The following TMEM63C variants were observed in gnomAD, a reference collection of about 807,000 sequenced individuals.
TMEM63C encodes the protein transmembrane protein 63C.
Under a neutral mutation model 99.2 loss-of-function variants are expected in TMEM63C, and 32 were observed. The observed-to-expected ratio is 0.32, with a 90% CI of 0.24 to 0.43. The LOEUF is 0.43. Among genes scored for constraint, TMEM63C ranks in the 20% least tolerant of loss-of-function variants. TMEM63C has a pLI of 1.00. For missense variants in TMEM63C, 826 were observed against 1,053.0 expected (o/e 0.78, Z 2.98); for synonymous variants, 376 against 397.9 (o/e 0.94, Z 0.66).
intron 1 of TMEM63C, among the ~76,000 whole-genome samples, chr14:77,200,580 A>C (rs1439868631): frequency 1.3e-5 from 2 of 152,300 alleles, no homozygotes; most frequent in Non-Finnish European, 2.9e-5. Flanking sequence ...CTCTGGCCCT[A>C]TTTAGACAGA....
At position 77,244,431 on chromosome 14, in the gene TMEM63C, C is replaced by A; in HGVS notation, c.1424C>A (p.Ala475Asp). The change falls in exon 16 of 24, where the codon GCC becomes GAC. Residue 475 changes from alanine to aspartate, a missense_variant. Transcript: ENST00000298351. ...CTGCCTCTGATTGTCTACTTCTCCG[C>A]CTTCCTCGAGGCCCACTGGACCAGG... ...VILPLIVYFS[A>D]FLEAHWTRSS... 2 of 1,613,920 alleles carry A rather than the reference C, an allele frequency of 1.2e-6. No individual in the cohort carries two copies. Among genetic ancestry groups the A allele is most frequent in the Non-Finnish European group, 1.7e-6 (2 of 1,179,854 alleles).
At chr14:77,241,466 G>A (rs1427813450) in intron 13 of TMEM63C, among the ~76,000 whole-genome samples, 2 of 152,166 alleles carry the variant, frequency 1.3e-5, no homozygotes, top group Non-Finnish European at 2.9e-5. Context: ...AAGTCCTAAA[G>A]GAGCTCCAGA....
chr14:77,243,510 C>A (rs779596283), intron 15 of TMEM63C, among the ~76,000 whole-genome samples: 7 of 152,096 alleles, frequency 4.6e-5, no homozygotes, highest in Non-Finnish European at 8.8e-5. Flanking sequence ...CCCAACGCAG[C>A]CCTCTCAGAG....
At chr14:77,244,590 C>G (rs1889237296) in intron 16 of TMEM63C, 135 bp downstream of exon 16, 2 of 688,396 alleles carry the variant, frequency 2.9e-6, no homozygotes, top group Admixed American at 2.5e-5. Context: ...GTTTTGATAC[C>G]TGAAACCATC....
At position 77,233,894 on chromosome 14, in the gene TMEM63C, GT is replaced by G. The variant is rs1888990071; in HGVS notation, c.542+395del. On this transcript the variant is annotated intron_variant, in intron 8 of 23. Transcript: ENST00000298351. Reference sequence around the variant, plus strand: ...ACCCGAGTGAATCATGTGCCTGACAGTCCCCCTCAGAGTCCCACAGCAGACT... The same window carrying G: ...ACCCGAGTGAATCATGTGCCTGACAGCCCCCTCAGAGTCCCACAGCAGACT... Among the ~76,000 whole-genome samples, 5 of 152,290 alleles carry G rather than the reference GT, an allele frequency of 3.3e-5. No homozygotes were observed. In the South Asian group the frequency reaches 1.0e-3, roughly 32 times the overall value.
chr14:77,255,242 C>T (rs1369242146), intron 23 of TMEM63C, among the ~76,000 whole-genome samples: 1 of 152,236 alleles, frequency 6.6e-6, no homozygotes, highest in African/African-American at 2.4e-5. Context: ...CCACCCGCCT[C>T]GGCCTCCCAA....
At position 77,187,635 on chromosome 14, in the gene TMEM63C, G is replaced by A. The variant is rs373632259; in HGVS notation, c.-77+5741G>A. Among the ~76,000 whole-genome samples, 37 of 152,358 alleles carry A rather than the reference G, an allele frequency of 2.4e-4. No individual in the cohort carries two copies. In the East Asian group the frequency reaches 6.6e-3, roughly 27 times the overall value. The stretch of plus-strand genomic sequence containing the variant: ...GGTCACAGAGCTGCCAAGTGGAGGA[G>A]CAGAAGGAGCCCCAGTCCCAGCACC... On this transcript the variant is annotated intron_variant, in intron 1 of 23. Transcript: ENST00000298351.
At chr14:77,204,242 G>A (rs904331872) in intron 1 of TMEM63C, among the ~76,000 whole-genome samples, 1 of 136,474 alleles carries the variant, frequency 7.3e-6, no homozygotes, top group Non-Finnish European at 1.7e-5. Context: ...TATGAGATGC[G>A]CCACATTTTT....
intron 1 of TMEM63C, among the ~76,000 whole-genome samples, chr14:77,204,726 C>T (rs1287231185): frequency 6.6e-6 from 1 of 152,220 alleles, no homozygotes; most frequent in Non-Finnish European, 1.5e-5. Flanking sequence ...TGAGCCATTG[C>T]AATGTGCTAG....
At chr14:77,238,222 G>A (rs930762365) in intron 9 of TMEM63C, among the ~76,000 whole-genome samples, 18 of 152,146 alleles carry the variant, frequency 1.2e-4, no homozygotes, top group East Asian at 3.8e-4. Flanking sequence ...CCAACTCCCC[G>A]GCCCAGTCTC....
chr14:77,222,744 T>C (rs1028845729), intron 5 of TMEM63C, among the ~76,000 whole-genome samples: 1 of 152,218 alleles, frequency 6.6e-6, no homozygotes, highest in Non-Finnish European at 1.5e-5. Context: ...TCACCTTTTG[T>C]TGAGATTTCA....
intron 1 of TMEM63C, among the ~76,000 whole-genome samples, chr14:77,207,959 G>A (rs1191766412): frequency 1.3e-5 from 2 of 152,190 alleles, no homozygotes; most frequent in Non-Finnish European, 2.9e-5. Context: ...ATAGCAAAGT[G>A]ATCAGGAGGG....
intron 1 of TMEM63C, among the ~76,000 whole-genome samples, chr14:77,200,546 G>A (rs1056004072): frequency 6.6e-6 from 1 of 152,226 alleles, no homozygotes; most frequent in Non-Finnish European, 1.5e-5. Context: ...TGTGCTCAGA[G>A]AGCACACGAG....
rs373576746 is a variant in TMEM63C, at chr14:77,243,053, G to A, written c.1338G>A (p.Leu446=). Residue 446 remains leucine (L), a synonymous_variant, in exon 15 of 24, where the codon CTG becomes CTA. Transcript: ENST00000298351. ...MYNVTRPIEK[L]QNPIVTQFFP... is the part of the protein sequence containing the mutation. ...ACGTCACCCGCCCCATCGAGAAGCT[G>A]CAGGTGCCTCCTCTGCTCAGGCCAG... 1.9e-5 allele frequency: 31 copies of A among 1,613,698 alleles called. No individual in the cohort carries two copies. In the East Asian group the frequency reaches 2.7e-4, roughly 14 times the overall value.
intron 1 of TMEM63C, among the ~76,000 whole-genome samples, chr14:77,211,399 A>G (rs1888495273): frequency 6.6e-6 from 1 of 152,224 alleles, no homozygotes; most frequent in Non-Finnish European, 1.5e-5. Flanking sequence ...TAGGGTACTT[A>G]TGAGAATTAA....
chr14:77,190,697 T>A (rs1360762755), intron 1 of TMEM63C, among the ~76,000 whole-genome samples: 2 of 152,178 alleles, frequency 1.3e-5, no homozygotes, highest in Non-Finnish European at 2.9e-5. Context: ...GCTAAAAATG[T>A]CTAAAATGCA....
intron 5 of TMEM63C, among the ~76,000 whole-genome samples, chr14:77,224,753 A>T (rs532895507): frequency 6.6e-6 from 1 of 152,332 alleles, no homozygotes; most frequent in East Asian, 1.9e-4. Flanking sequence ...GCCAGGTTTC[A>T]TGATGTTTAC....
At chr14:77,252,266 C>G (rs452358) in intron 22 of TMEM63C, among the ~76,000 whole-genome samples, 8,563 of 152,024 alleles carry the variant, frequency 0.056, 307 homozygotes, top group East Asian at 0.12. Context: ...AAGGAGGTTG[C>G]GGGGGGAGTT....
At chr14:77,202,989 T>C (rs1384868470) in intron 1 of TMEM63C, among the ~76,000 whole-genome samples, 3 of 152,230 alleles carry the variant, frequency 2.0e-5, no homozygotes, top group African/African-American at 4.8e-5. Context: ...CACATCCTTA[T>C]TACAACACTT....
Sources: allele counts gnomAD v4.1 joint callset (sites outside exome capture counted in the v4.1 genomes callset), GRCh38; gene constraint gnomAD v4.1.1; transcripts MANE v1.5; gene names NCBI Gene and HGNC (gene_info 2026-07-23, HGNC 2026-07-21).